LAMA2: variants seen among roughly 807,000 people sequenced by gnomAD.
LAMA2 encodes laminin subunit alpha-2.
LAMA2 carries 269 observed loss-of-function variants against 364.8 expected under a neutral mutation model. That is an observed-to-expected ratio of 0.74 (90% CI 0.67 to 0.82). The LOEUF (loss-of-function observed/expected upper bound fraction) is 0.82. LAMA2 is among the 40% of genes least tolerant of loss of function. The pLI, the probability that LAMA2 is intolerant of heterozygous loss-of-function variation, is 0.00. For missense variants in LAMA2, 3,807 were observed against 3,873.2 expected, an observed-to-expected ratio of 0.98 and a Z score of 0.45; for synonymous variants, 1,379 against 1,370.6, an observed-to-expected ratio of 1.01 and a Z score of -0.14.
chr6:129,175,040 T>C (rs1287159269), intron 9 of LAMA2, among the ~76,000 whole-genome samples: 1 of 152,254 alleles, frequency 6.6e-6, no homozygotes, highest in Non-Finnish European at 1.5e-5. Flanking sequence ...TGTTAAACTA[T>C]TTAATGCCTT....
At chr6:128,898,741 T>C (rs1465458996) in intron 1 of LAMA2, among the ~76,000 whole-genome samples, 2 of 152,258 alleles carry the variant, frequency 1.3e-5, no homozygotes, top group African/African-American at 4.8e-5. Flanking sequence ...AATGCATTTC[T>C]ATTATAAGAA....
chr6:129,009,257 C>A (rs1413060537), intron 1 of LAMA2, among the ~76,000 whole-genome samples: 1 of 152,034 alleles, frequency 6.6e-6, no homozygotes, highest in African/African-American at 2.4e-5. Flanking sequence ...CCCACCCAGA[C>A]CATAATCTCT....
rs1385528581 is a variant in LAMA2, at chr6:129,460,203, G to C, written c.6871G>C (p.Ala2291Pro). The change falls in exon 49 of 65, where the codon GCT becomes CCT. Residue 2291 changes from alanine to proline, a missense_variant. By Grantham distance (27) the Ala-to-Pro change is conservative (BLOSUM62 -1). Coordinates refer to ENST00000421865, the MANE Select transcript of LAMA2 (RefSeq NM_000426.4). The stretch of plus-strand genomic sequence containing the variant: ...ATAACGGTATTTCTTTCTGCAGAAG[G>C]CTGATGCTGTACGTGTGATTACATT... ...VGGLTGKLKK[A>P]DAVRVITFTG... 6.2e-7 allele frequency: 1 copy of C among 1,611,934 alleles called. No homozygotes were observed. Among genetic ancestry groups the C allele is most frequent in the Non-Finnish European group, 8.5e-7 (1 of 1,178,512 alleles).
Position 129,510,033 on chromosome 6 carries a change from T to C in LAMA2, c.8858-2330T>C, listed in dbSNP as rs567743636. Among the ~76,000 whole-genome samples the C allele has an allele frequency of 7.2e-5, 11 of 152,158 alleles. No homozygotes were observed. The East Asian group carries it at 2.1e-3, about 29-fold the overall frequency. On this transcript the variant is annotated intron_variant, in intron 62 of 64. Transcript: ENST00000421865. ...TTCTTGCATCATTGTTTTATAGTTT[T>C]TATTGTACTTTCCTCTAAGATCTGG...
chr6:128,921,060 C>T (rs1027348787), intron 1 of LAMA2, among the ~76,000 whole-genome samples: 6 of 152,116 alleles, frequency 3.9e-5, no homozygotes, highest in Non-Finnish European at 5.9e-5. Flanking sequence ...GCCTGAAACG[C>T]GTATCTTGCC....
chr6:128,959,086 C>CT, intron 1 of LAMA2, among the ~76,000 whole-genome samples: 1 of 152,100 alleles, frequency 6.6e-6, no homozygotes, highest in Non-Finnish European at 1.5e-5. Flanking sequence ...TCTCTCTTTT[C>CT]TTTTTTGTAC....
intron 58 of LAMA2, among the ~76,000 whole-genome samples, chr6:129,501,692 G>A (rs9321170): frequency 0.63 from 96,094 of 152,064 alleles, 31,525 homozygotes; most frequent in Middle Eastern, 0.73. Context: ...AAAAACAGAT[G>A]TGTTGGTGAG....
chr6:129,408,364 G>A (rs1355402189), intron 40 of LAMA2, among the ~76,000 whole-genome samples: 1 of 152,222 alleles, frequency 6.6e-6, no homozygotes, highest in African/African-American at 2.4e-5. Flanking sequence ...GCTTCAGGAT[G>A]ATGGGAAACA....
intron 45 of LAMA2, among the ~76,000 whole-genome samples, chr6:129,451,257 A>C (rs1765807131): frequency 6.6e-6 from 1 of 152,166 alleles, no homozygotes; most frequent in Non-Finnish European, 1.5e-5. Flanking sequence ...TGTAGAAGGG[A>C]AATTCCATGA....
At chr6:128,993,032 A>G (rs1454519843) in intron 1 of LAMA2, among the ~76,000 whole-genome samples, 1 of 152,166 alleles carries the variant, frequency 6.6e-6, no homozygotes, top group Non-Finnish European at 1.5e-5. Flanking sequence ...CACTGGTGCT[A>G]TTTAATTTCT....
chr6:129,370,057 A>C (rs1267466079), intron 34 of LAMA2, 67 bp downstream of exon 34: 6 of 1,281,524 alleles, frequency 4.7e-6, no homozygotes, highest in South Asian at 2.4e-5. Context: ...AAATTACTTC[A>C]AAGTTCTGAA....
intron 1 of LAMA2, among the ~76,000 whole-genome samples, chr6:128,974,438 C>A (rs1481898063): frequency 6.6e-6 from 1 of 152,098 alleles, no homozygotes; most frequent in African/African-American, 2.4e-5. Flanking sequence ...ATAGACTGAG[C>A]TGCAAGATAA....
At chr6:129,317,919 T>C (rs1774715879) in intron 27 of LAMA2, among the ~76,000 whole-genome samples, 3 of 151,824 alleles carry the variant, frequency 2.0e-5, no homozygotes, top group Non-Finnish European at 4.4e-5. Flanking sequence ...TTTCCCGCCC[T>C]ATGTCTTTTT....
chr6:129,498,724 A>ATTGT (rs1176367294), intron 58 of LAMA2, among the ~76,000 whole-genome samples: 8 of 152,348 alleles, frequency 5.3e-5, no homozygotes, highest in Non-Finnish European at 7.3e-5. Context: ...ATGATGATTC[A>ATTGT]TTGTTTGGTG....
In LAMA2 at chr6:129,473,151, T is replaced by C. The variant is rs186058305; in HGVS notation, c.7301-63T>C. 9.9e-6 allele frequency: 13 copies of C among 1,307,364 alleles called. No homozygotes were observed. The East Asian group carries it at 2.1e-4, about 21-fold the overall frequency. The allele number at this position is 1,307,364 out of a possible 1,614,324, so 81.0% of individuals were successfully genotyped here. A position where few individuals can be genotyped will look rare whatever the true frequency, so the allele number is the denominator to read the frequency against. ...AACCAAATTTGTCTTGAAGTATTAA[T>C]GATGATATAGATGTGGTTGATATTG... On this transcript the variant is annotated intron_variant, in intron 51 of 64. Coordinates refer to ENST00000421865, the MANE Select transcript of LAMA2 (RefSeq NM_000426.4).
rs561399089 is a variant in LAMA2 at position 129,227,225 on chromosome 6, C to A, written c.1783-22887C>A. Among the ~76,000 whole-genome samples the A allele has an allele frequency of 7.2e-5, 11 of 152,212 alleles. No individual in the cohort carries two copies. In the South Asian group the frequency reaches 2.3e-3, roughly 32 times the overall value. On this transcript the variant is annotated intron_variant, in intron 12 of 64. Transcript: ENST00000421865. ...CTCTACACTGGTTATTCTAGGTAGC[C>A]ATTTGTCCTATCTTTTTTCAAGGTT...
chr6:129,319,891 G>A (rs992587972), intron 27 of LAMA2, among the ~76,000 whole-genome samples: 1 of 152,138 alleles, frequency 6.6e-6, no homozygotes, highest in Non-Finnish European at 1.5e-5. Context: ...CCAGCACTTC[G>A]GGAGGCCAAA....
chr6:129,136,494 G>T (rs570975545), intron 4 of LAMA2, among the ~76,000 whole-genome samples: 1 of 151,044 alleles, frequency 6.6e-6, no homozygotes, highest in Non-Finnish European at 1.5e-5. Context: ...AGCCAACTCT[G>T]ATACAACATG....
At chr6:129,371,389 A>G (rs1778067877) in intron 34 of LAMA2, among the ~76,000 whole-genome samples, 1 of 152,150 alleles carries the variant, frequency 6.6e-6, no homozygotes, top group South Asian at 2.1e-4. Context: ...AATATTTAAT[A>G]ATAGAATAAT....
Sources: allele counts gnomAD v4.1 joint callset (sites outside exome capture counted in the v4.1 genomes callset), GRCh38; gene constraint gnomAD v4.1.1; transcripts MANE v1.5; gene names NCBI Gene and HGNC (gene_info 2026-07-23, HGNC 2026-07-21).